Variants in ACOX1 observed in about 807,000 individuals in gnomAD.
ACOX1 encodes the protein peroxisomal acyl-coenzyme A oxidase 1.
A neutral mutation model predicts 75.5 loss-of-function variants in ACOX1; 41 were observed. The ratio of observed to expected loss-of-function variants is 0.54; its 90% CI spans 0.42 to 0.70. The LOEUF is 0.70. Ranked by LOEUF, ACOX1 falls within the 30% of genes least tolerant of loss-of-function variation. ACOX1 has a pLI of 0.00. For synonymous variants in ACOX1, 303 were observed against 298.8 expected (o/e 1.01, Z -0.15); for missense variants, 630 against 837.5 (o/e 0.75, Z 3.06).
chr17:75,977,755 CAG>C (rs138410941), intron 2 of ACOX1, among the ~76,000 whole-genome samples: 3,020 of 152,210 alleles, frequency 0.02, 75 homozygotes, highest in East Asian at 0.13. Context: ...AGAGGCGTCA[CAG>C]ATCATTCTTC....
chr17:75,975,257 C>T, intron 2 of ACOX1, among the ~76,000 whole-genome samples: 1 of 151,856 alleles, frequency 6.6e-6, no homozygotes, highest in East Asian at 2.0e-4. Flanking sequence ...CTCCTAGGTT[C>T]AAGTGATTCT....
intron 2 of ACOX1, chr17:75,973,362 C>A: frequency 2.0e-6 from 1 of 497,050 alleles, no homozygotes; most frequent in Non-Finnish European, 3.7e-6. Context: ...AATGGGGTTC[C>A]CCGCTGCACT....
rs768462369 is a variant in ACOX1 at position 75,960,280 on chromosome 17, C to A, written c.365G>T (p.Arg122Leu). The change falls in exon 3 of 14, where the codon CGC becomes CTC. Residue 122 changes from arginine to leucine, a missense_variant. By Grantham distance (102) the Arg-to-Leu change is moderately radical. Transcript: ENST00000293217. The surrounding 1 kb of genome is among the most constrained non-coding windows in gnomAD (Gnocchi z 4.4). ...LHQATAEQQE[R>L]FFMPAWNLEI... The stretch of plus-strand genomic sequence containing the variant: ...CAAGTTCCAGGCGGGCATGAAGAAG[C>A]GCTCCTGCTGCTCCGCAGTTGCCTG... 6 of 1,614,194 alleles carry A rather than the reference C, an allele frequency of 3.7e-6. No homozygotes were observed. The highest frequency in any genetic ancestry group is 5.1e-6 in the Non-Finnish European group (6 of 1,180,042).
chr17:75,968,862 C>T (rs983182342), intron 2 of ACOX1, among the ~76,000 whole-genome samples: 6 of 149,852 alleles, frequency 4.0e-5, no homozygotes, highest in African/African-American at 1.5e-4. Context: ...GCGGAAGTTG[C>T]GGTGAGCCGA....
rs2066020688 is a variant in ACOX1 at position 75,973,928 on chromosome 17, C to T, written c.269+4606G>A. On this transcript the variant is annotated intron_variant, in intron 2 of 13. Transcript: ENST00000293217. ...CTTATGAAATTAAATATAAGATTTACCATTTTACTACCTAAAAAGCCAGCA... is the reference window on the plus strand; with the variant it reads ...CTTATGAAATTAAATATAAGATTTATCATTTTACTACCTAAAAAGCCAGCA... 3 of 804,558 alleles carry T rather than the reference C, an allele frequency of 3.7e-6. No homozygotes were observed. The East Asian group carries it at 8.1e-5, about 22-fold the overall frequency. The allele number at this position is 804,558 out of a possible 1,614,324, so 49.8% of individuals were successfully genotyped here.
At chr17:75,953,228 C>CTTTTTTTTTTTTTT in intron 7 of ACOX1, 1 of 464,330 alleles carries the variant, frequency 2.2e-6, no homozygotes, top group Non-Finnish European at 3.9e-6. Context: ...TGGGTATTCT[C>CTTTTTTTTTTTTTT]TTTTTTTCTT....
chr17:75,957,271 G>A (rs1386047068), intron 4 of ACOX1, 188 bp downstream of exon 4: 1 of 596,398 alleles, frequency 1.7e-6, no homozygotes, highest in Non-Finnish European at 3.1e-6. Context: ...AGTAGAGATG[G>A]GGTTTCAGCA....
Position 75,946,461 on chromosome 17 carries a change from C to A in ACOX1, c.*287G>T. On this transcript the variant is annotated 3_prime_UTR_variant, in exon 14 of 14. Coordinates refer to ENST00000293217, the MANE Select transcript of ACOX1 (RefSeq NM_004035.7). ...TCAGTAGTTAAATTCTGCTAATTAT[C>A]AAAAGTCATAGTCTACTGGGATCAG... is the stretch of plus-strand genomic sequence containing the variant. 2.4e-6 allele frequency: 1 copy of A among 409,458 alleles called. No individual in the cohort carries two copies. Among genetic ancestry groups the A allele is most frequent in the Non-Finnish European group, 4.6e-6 (1 of 217,232 alleles). The allele number at this position is 409,458 out of a possible 1,614,324, so 25.4% of individuals were successfully genotyped here. A position where few individuals can be genotyped will look rare whatever the true frequency, so the allele number is the denominator to read the frequency against.
intron 4 of ACOX1, 65 bp downstream of exon 4, chr17:75,957,394 C>T (rs779029318): frequency 9.2e-6 from 13 of 1,414,436 alleles, no homozygotes; most frequent in Non-Finnish European, 1.3e-5. Context: ...AAAAGCTCTA[C>T]ATTCTAAGCA....
At chr17:75,948,113 T>C in intron 13 of ACOX1, 138 bp downstream of exon 13, 2 of 836,802 alleles carry the variant, frequency 2.4e-6, no homozygotes, top group Non-Finnish European at 4.0e-6. Context: ...TCTGAACCTG[T>C]TGCTCAAATA....
Position 75,946,580 on chromosome 17 carries a change from G to A in ACOX1, c.*168C>T. ...AGTGTTAATTGCACTTAAAACATCT[G>A]CTTTTTTTCATTTAATCTCTGAAAT... On this transcript the variant is annotated 3_prime_UTR_variant, in exon 14 of 14. Coordinates refer to ENST00000293217, the MANE Select transcript of ACOX1 (RefSeq NM_004035.7). The A allele has an allele frequency of 1.5e-6, 1 of 663,134 alleles. No homozygotes were observed. The allele number at this position is 663,134 out of a possible 1,614,324, so 41.1% of individuals were successfully genotyped here.
intron 2 of ACOX1, among the ~76,000 whole-genome samples, chr17:75,974,882 G>GA (rs1458963657): frequency 3.3e-5 from 5 of 150,588 alleles, no homozygotes; most frequent in African/African-American, 7.3e-5. Context: ...CCGTCTCTAC[G>GA]AAAAATACAA....
At chr17:75,958,352 C>CAAAAA (rs1279952402) in intron 3 of ACOX1, among the ~76,000 whole-genome samples, 5 of 67,008 alleles carry the variant, frequency 7.5e-5, no homozygotes, top group Non-Finnish European at 1.2e-4. Context: ...GACTCCATCT[C>CAAAAA]AAAAAAAAAA....
At chr17:75,967,748 A>ATG (rs1598194697) in intron 2 of ACOX1, among the ~76,000 whole-genome samples, 2 of 146,488 alleles carry the variant, frequency 1.4e-5, no homozygotes, top group East Asian at 4.0e-4. Context: ...GTATATATAT[A>ATG]TATATTTTTT....
At chr17:75,974,123 T>C (rs974536212) in intron 2 of ACOX1, among the ~76,000 whole-genome samples, 2 of 151,964 alleles carry the variant, frequency 1.3e-5, no homozygotes, top group African/African-American at 2.4e-5. Context: ...GTTTGATTGG[T>C]TGAATTTTTT....
At chr17:75,969,853 G>A (rs898572495) in intron 2 of ACOX1, among the ~76,000 whole-genome samples, 1 of 152,044 alleles carries the variant, frequency 6.6e-6, no homozygotes, top group Non-Finnish European at 1.5e-5. Flanking sequence ...AGAAAGAAAG[G>A]AACGAAAGGA....
chr17:75,949,764 T>A lies in ACOX1; in HGVS notation c.1432A>T (p.Asn478Tyr). 1 of 1,614,146 alleles carries A rather than the reference T, an allele frequency of 6.2e-7. No individual in the cohort carries two copies. Among genetic ancestry groups the A allele is most frequent in the Non-Finnish European group, 8.5e-7 (1 of 1,180,020 alleles). ...VAVWPTMVDINSPESLTEAYK... is the reference protein window; with the variant it reads ...VAVWPTMVDIYSPESLTEAYK... ...GCTTCGGTTAGGCTTTCGGGGCTGT[T>A]GATATCCACCATGGTTGGCCAGACT... Residue 478 changes from asparagine (N) to tyrosine (Y), a missense_variant, in exon 10 of 14, where the codon AAC (asparagine) becomes TAC (tyrosine). Coordinates refer to ENST00000293217, the MANE Select transcript of ACOX1 (RefSeq NM_004035.7).
chr17:75,970,781 C>T (rs11651351), intron 2 of ACOX1, among the ~76,000 whole-genome samples: 6,621 of 152,208 alleles, frequency 0.043, 194 homozygotes, highest in Non-Finnish European at 0.061. Context: ...GCTCTATTGC[C>T]GATCTCCTGG....
rs2082487433 is a variant in ACOX1, at chr17:75,944,797, T to C, written c.*1951A>G. On this transcript the variant is annotated 3_prime_UTR_variant, in exon 14 of 14. Coordinates refer to ENST00000293217, the MANE Select transcript of ACOX1 (RefSeq NM_004035.7). ...CTCAGCCACCCAGGCTGCAGTGTAG[T>C]GGCACCATCTTGGCTCACTGCAACC... 6.6e-6 allele frequency: 1 copy of C among 152,296 alleles called. No homozygotes were observed. Among genetic ancestry groups the C allele is most frequent in the South Asian group, 2.1e-4 (1 of 4,826 alleles). 9.4% of individuals were successfully genotyped at this position (152,296 alleles called of 1,614,324 possible).
Sources: gnomAD v4.1 joint callset for allele counts (sites outside exome capture counted in the v4.1 genomes callset) on GRCh38, gnomAD v4.1.1 for gene constraint, Gnocchi (gnomAD v3.1) non-coding constraint, MANE v1.5 for transcripts, NCBI Gene and HGNC (gene_info 2026-07-23, HGNC 2026-07-21) for gene names.